The following ABLIM2 variants were observed in gnomAD, a reference collection of about 807,000 sequenced individuals.
ABLIM2 encodes actin binding LIM protein family member 2.
Under a neutral mutation model 97.7 loss-of-function variants are expected in ABLIM2, and 53 were observed. The observed-to-expected ratio is 0.54, with a 90% CI of 0.44 to 0.68. ABLIM2 has a LOEUF of 0.68. Among genes scored for constraint, ABLIM2 ranks in the 30% least tolerant of loss-of-function variants. ABLIM2 has a pLI of 0.00. For synonymous variants in ABLIM2, 361 were observed against 345.8 expected (o/e 1.04, Z -0.49); for missense variants, 835 against 867.2 (o/e 0.96, Z 0.47).
chr4:8,058,311 C>T lies in ABLIM2; in HGVS notation c.763+2656G>A, dbSNP rs1040455819. On this transcript the variant is annotated intron_variant, in intron 7 of 20. Transcript: ENST00000447017. This position sits in a 1 kb window ranked among gnomAD's most constrained non-coding sequence, Gnocchi z 4.2. ...CTCGAGCAGAGACTCAAGGAACAGGCGACACCGGGGACGAGGCTGTCCTGT... is the reference window on the plus strand; with the variant it reads ...CTCGAGCAGAGACTCAAGGAACAGGTGACACCGGGGACGAGGCTGTCCTGT... 1.2e-4 allele frequency among the ~76,000 whole-genome samples: 19 copies of T among 152,298 alleles called. No individual in the cohort carries two copies. The highest frequency in any genetic ancestry group is 4.1e-4 in the South Asian group (2 of 4,820).
At chr4:8,093,546 C>T (rs1349762091) in intron 3 of ABLIM2, among the ~76,000 whole-genome samples, 5 of 152,234 alleles carry the variant, frequency 3.3e-5, no homozygotes, top group Non-Finnish European at 7.3e-5. Context: ...TCACCATAAT[C>T]AATTTTAGAA....
intron 1 of ABLIM2, among the ~76,000 whole-genome samples, chr4:8,146,932 T>C (rs1257823312): frequency 3.3e-5 from 5 of 152,234 alleles, no homozygotes; most frequent in African/African-American, 1.2e-4. Flanking sequence ...AATTGAACCC[T>C]GAGGCCCTAG....
chr4:8,005,431 G>A lies in ABLIM2; in HGVS notation c.1618+2628C>T. ...GGGCGCGCTACAGATGGACGTCCCG[G>A]GGTGCAGGTGGCGTGCCTTGCTGTG... is the stretch of plus-strand genomic sequence containing the variant. On this transcript the variant is annotated intron_variant, in intron 16 of 20. Transcript: ENST00000447017. This position sits in a 1 kb window ranked among gnomAD's most constrained non-coding sequence, Gnocchi z 4.9. 1.9e-6 allele frequency: 1 copy of A among 533,218 alleles called. No individual in the cohort carries two copies. The highest frequency in any genetic ancestry group is 3.8e-6 in the Non-Finnish European group (1 of 259,956). 33.0% of individuals were successfully genotyped at this position (533,218 alleles called of 1,614,324 possible). A position where few individuals can be genotyped will look rare whatever the true frequency, so the allele number is the denominator to read the frequency against.
At position 8,122,908 on chromosome 4, in the gene ABLIM2, GA is replaced by G. The variant is rs908907460; in HGVS notation, c.11-16272del. Among the ~76,000 whole-genome samples the G allele has an allele frequency of 4.6e-5, 7 of 152,286 alleles. No individual in the cohort carries two copies. Among genetic ancestry groups the G allele is most frequent in the African/African-American group, 1.7e-4 (7 of 41,546 alleles). ...CGTGGATGAGGGGATGGGAGAGGGA[GA>G]GGGGTGAGGGGCGAACCAGCCCTAG... On this transcript the variant is annotated intron_variant, in intron 1 of 20. Transcript: ENST00000447017. This position sits in a 1 kb window ranked among gnomAD's most constrained non-coding sequence, Gnocchi z 4.1.
rs1822696265 is a variant in ABLIM2 at position 8,085,295 on chromosome 4, C to A, written c.454+2874G>T. Among the ~76,000 whole-genome samples the A allele has an allele frequency of 6.6e-6, 1 of 152,186 alleles. No homozygotes were observed. Among genetic ancestry groups the A allele is most frequent in the African/African-American group, 2.4e-5 (1 of 41,452 alleles). ...CAAGCTGGCCAGGCAGACGGTGCTG[C>A]TTCCTACATTCTGGACTGACTTGAC... On this transcript the variant is annotated intron_variant, in intron 4 of 20. Transcript: ENST00000447017. The surrounding 1 kb of genome is among the most constrained non-coding windows in gnomAD (Gnocchi z 6.1).
intron 4 of ABLIM2, among the ~76,000 whole-genome samples, chr4:8,081,215 C>A (rs1819623932): frequency 6.6e-6 from 1 of 152,174 alleles, no homozygotes; most frequent in Admixed American, 6.5e-5. Context: ...CCAACCCCGT[C>A]AGCCCTGGGA....
At position 8,003,359 on chromosome 4, in the gene ABLIM2, G is replaced by A. The variant is rs1758566028; in HGVS notation, c.1618+4700C>T. Among the ~76,000 whole-genome samples the A allele has an allele frequency of 6.6e-6, 1 of 152,162 alleles. No homozygotes were observed. Among genetic ancestry groups the A allele is most frequent in the Non-Finnish European group, 1.5e-5 (1 of 68,030 alleles). On this transcript the variant is annotated intron_variant, in intron 16 of 20. Transcript: ENST00000447017. This position sits in a 1 kb window ranked among gnomAD's most constrained non-coding sequence, Gnocchi z 4.2. ...CGTCTCATGTCATTCGCTGAATGCT[G>A]TACTGAGAGTGAGAAACAGAATGGG...
At chr4:8,091,114 G>A (rs1827100201) in intron 3 of ABLIM2, among the ~76,000 whole-genome samples, 2 of 149,926 alleles carry the variant, frequency 1.3e-5, no homozygotes, top group African/African-American at 4.9e-5. Context: ...CACTCCTCTG[G>A]CTTCACATCC....
At chr4:8,090,960 G>A (rs7681534) in intron 3 of ABLIM2, among the ~76,000 whole-genome samples, 12,551 of 151,854 alleles carry the variant, frequency 0.083, 754 homozygotes, top group African/African-American at 0.16. Flanking sequence ...CAGCCTCTCC[G>A]CGGACACAAG....
chr4:8,153,760 AG>A (rs756722296), intron 1 of ABLIM2, among the ~76,000 whole-genome samples: 8 of 152,194 alleles, frequency 5.3e-5, no homozygotes, highest in Non-Finnish European at 8.8e-5. Context: ...ACAAAAGAAA[AG>A]GGCACACAAT....
intron 1 of ABLIM2, among the ~76,000 whole-genome samples, chr4:8,119,642 T>C (rs1578235119): frequency 2.0e-5 from 3 of 152,180 alleles, no homozygotes. Context: ...TCCTTCTTAC[T>C]AAACAATCTT....
At chr4:8,042,544 C>G (rs1387499582) in intron 9 of ABLIM2, among the ~76,000 whole-genome samples, 1 of 152,140 alleles carries the variant, frequency 6.6e-6, no homozygotes, top group Non-Finnish European at 1.5e-5. Context: ...ATCATCCAAT[C>G]TAAGCATAAA....
At chr4:8,157,232 C>A (rs1202158416) in intron 1 of ABLIM2, among the ~76,000 whole-genome samples, 1 of 152,072 alleles carries the variant, frequency 6.6e-6, no homozygotes, top group Admixed American at 6.5e-5. Context: ...GAGATGCCAG[C>A]ACTGCTTCTG....
chr4:8,000,438 C>T (rs987026958), intron 16 of ABLIM2, among the ~76,000 whole-genome samples: 2 of 152,150 alleles, frequency 1.3e-5, no homozygotes, highest in Non-Finnish European at 2.9e-5. Context: ...TTCTCTTGTG[C>T]ACAAGGTCAC....
intron 5 of ABLIM2, among the ~76,000 whole-genome samples, chr4:8,078,517 C>A (rs1817765146): frequency 6.6e-6 from 1 of 152,222 alleles, no homozygotes; most frequent in African/African-American, 2.4e-5. Flanking sequence ...CTGAGCTGAC[C>A]TTCACACCCG....
chr4:7,970,417 T>C lies in ABLIM2; in HGVS notation c.1825-3314A>G, dbSNP rs1726864681. ...GTGTACTTAAAGGGAGGAGGACTGG[T>C]GAGTGAGTGGTCTCTTGGGTTTAGC... On this transcript the variant is annotated intron_variant, in intron 20 of 20. Transcript: ENST00000447017. The surrounding 1 kb of genome is among the most constrained non-coding windows in gnomAD (Gnocchi z 5.3). 6.6e-6 allele frequency among the ~76,000 whole-genome samples: 1 copy of C among 151,906 alleles called. No individual in the cohort carries two copies. Among genetic ancestry groups the C allele is most frequent in the African/African-American group, 2.4e-5 (1 of 41,376 alleles).
At chr4:8,081,397 C>T (rs1360749092) in intron 4 of ABLIM2, among the ~76,000 whole-genome samples, 1 of 152,200 alleles carries the variant, frequency 6.6e-6, no homozygotes, top group African/African-American at 2.4e-5. Context: ...TCCTGTGTCC[C>T]AGGGCCTGGT....
intron 16 of ABLIM2, chr4:8,007,515 T>C (rs183159766): frequency 2.0e-6 from 2 of 985,610 alleles, no homozygotes; most frequent in Non-Finnish European, 2.4e-6. Flanking sequence ...AACAGCATTA[T>C]CTGGAGTTTT....
rs528205456 is a variant in ABLIM2, at chr4:8,156,392, C to A, written c.10+2288G>T. Reference sequence around the variant, plus strand: ...CACAGCTAGGACATTGGATTCGGATCCAGGCCTGTCTGGTATGGGATGCCA... The same window carrying A: ...CACAGCTAGGACATTGGATTCGGATACAGGCCTGTCTGGTATGGGATGCCA... On this transcript the variant is annotated intron_variant, in intron 1 of 20. Transcript: ENST00000447017. 2.0e-5 allele frequency among the ~76,000 whole-genome samples: 3 copies of A among 152,304 alleles called. No homozygotes were observed. In the East Asian group the frequency reaches 5.8e-4, roughly 29 times the overall value.
Sources: gnomAD v4.1 joint callset for allele counts (sites outside exome capture counted in the v4.1 genomes callset) on GRCh38, gnomAD v4.1.1 for gene constraint, Gnocchi (gnomAD v3.1) non-coding constraint, MANE v1.5 for transcripts, NCBI Gene and HGNC (gene_info 2026-07-23, HGNC 2026-07-21) for gene names.